Variants in PPFIA2 observed in about 807,000 individuals in gnomAD.
The protein encoded by PPFIA2 is PPFI scaffold protein A2, also known as liprin-alpha-2.
A neutral mutation model predicts 175.5 loss-of-function variants in PPFIA2; 46 were observed. The observed-to-expected ratio is 0.26, with a 90% CI of 0.21 to 0.34. The LOEUF (loss-of-function observed/expected upper bound fraction) is 0.34, where lower values mean the gene tolerates loss of function less well. PPFIA2 is among the 10% of genes least tolerant of loss of function. PPFIA2 has a pLI of 1.00. For synonymous variants in PPFIA2, 568 were observed against 511.4 expected (o/e 1.11, Z -1.49); for missense variants, 1,179 against 1,506.1 (o/e 0.78, Z 3.60).
At chr12:81,422,165 TA>T (rs1202699442) in intron 7 of PPFIA2, among the ~76,000 whole-genome samples, 1 of 147,398 alleles carries the variant, frequency 6.8e-6, no homozygotes, top group East Asian at 2.0e-4. Context: ...TATATATATA[TA>T]TATATATGTC....
chr12:81,659,130 A>G (rs1433885918), intron 4 of PPFIA2, among the ~76,000 whole-genome samples: 2 of 152,182 alleles, frequency 1.3e-5, no homozygotes, highest in Non-Finnish European at 2.9e-5. Flanking sequence ...TACAGCTCCC[A>G]GCATGAGCAA....
rs201989162 is a variant in PPFIA2 at position 81,506,259 on chromosome 12, CT to C, written c.304-48394del. The C allele has an allele frequency of 9.1e-4, 138 of 152,238 alleles. 1 individual carries two copies. The highest frequency in any genetic ancestry group is 3.3e-3 in the African/African-American group (137 of 41,542). The allele number at this position is 152,238 out of a possible 1,614,324, so 9.4% of individuals were successfully genotyped here. On this transcript the variant is annotated intron_variant, in intron 4 of 32. Coordinates refer to ENST00000549396, the MANE Select transcript of PPFIA2 (RefSeq NM_003625.5). Reference sequence around the variant, plus strand: ...TGCCTATCATTCCATTAGAATACTTCTTTTCTTTCTTGTCTGCCTGAAAATT... The same window carrying C: ...TGCCTATCATTCCATTAGAATACTTCTTTCTTTCTTGTCTGCCTGAAAATT...
intron 21 of PPFIA2, among the ~76,000 whole-genome samples, chr12:81,330,115 T>C (rs1340617360): frequency 6.6e-6 from 1 of 152,128 alleles, no homozygotes; most frequent in Non-Finnish European, 1.5e-5. Flanking sequence ...GGAGTCACTA[T>C]TGTTAAGAAA....
chr12:81,647,509 C>T (rs1056593361), intron 4 of PPFIA2, among the ~76,000 whole-genome samples: 7 of 151,834 alleles, frequency 4.6e-5, no homozygotes, highest in African/African-American at 1.7e-4. Flanking sequence ...CGCCTGTAAT[C>T]CCAGCACTTT....
At chr12:81,695,083 T>C (rs999312039) in intron 3 of PPFIA2, among the ~76,000 whole-genome samples, 2 of 152,278 alleles carry the variant, frequency 1.3e-5, no homozygotes, top group African/African-American at 4.8e-5. Context: ...TTCAGGCTCA[T>C]AGGTGGAAGG....
intron 4 of PPFIA2, among the ~76,000 whole-genome samples, chr12:81,651,142 C>G (rs2066960086): frequency 6.6e-6 from 1 of 152,106 alleles, no homozygotes; most frequent in African/African-American, 2.4e-5. Flanking sequence ...TAGACCCCAA[C>G]TGGGAGGATA....
chr12:81,520,444 A>G (rs1397314273), intron 4 of PPFIA2, among the ~76,000 whole-genome samples: 5 of 152,212 alleles, frequency 3.3e-5, no homozygotes, highest in Admixed American at 3.3e-4. Context: ...AACCGAAACC[A>G]CAATACTGAA....
At chr12:81,743,623 T>G (rs2082652125) in intron 3 of PPFIA2, among the ~76,000 whole-genome samples, 1 of 151,832 alleles carries the variant, frequency 6.6e-6, no homozygotes, top group Non-Finnish European at 1.5e-5. Flanking sequence ...GCAAACGTTT[T>G]GTCCAGGAAT....
rs559814215 is a variant in PPFIA2 at position 81,673,558 on chromosome 12, T to C, written c.303+3233A>G. Among the ~76,000 whole-genome samples the C allele has an allele frequency of 3.9e-5, 6 of 152,180 alleles. No homozygotes were observed. In the East Asian group the frequency reaches 5.8e-4, roughly 15 times the overall value. The stretch of plus-strand genomic sequence containing the variant: ...TAGTTTCTTTTCCTTTGTACTTCTA[T>C]GTAAATATAAATTCTATGCTCTTAT... On this transcript the variant is annotated intron_variant, in intron 4 of 32. Coordinates refer to ENST00000549396, the MANE Select transcript of PPFIA2 (RefSeq NM_003625.5).
At chr12:81,386,008 GCT>G (rs1292988238) in intron 8 of PPFIA2, among the ~76,000 whole-genome samples, 1 of 151,870 alleles carries the variant, frequency 6.6e-6, no homozygotes, top group Non-Finnish European at 1.5e-5. Context: ...TGGTGTTGTG[GCT>G]CACTCTTTTA....
intron 3 of PPFIA2, among the ~76,000 whole-genome samples, chr12:81,712,864 G>A (rs996852632): frequency 9.3e-5 from 14 of 150,062 alleles, no homozygotes; most frequent in African/African-American, 3.2e-4. Context: ...CTCTTTAAAT[G>A]TTCTGATATT....
intron 4 of PPFIA2, among the ~76,000 whole-genome samples, chr12:81,644,882 TA>T (rs1230503071): frequency 1.3e-5 from 2 of 152,142 alleles, no homozygotes; most frequent in African/African-American, 4.8e-5. Context: ...TTTTAAATGC[TA>T]AAAGTATAAA....
At chr12:81,509,773 G>A (rs546572442) in intron 4 of PPFIA2, among the ~76,000 whole-genome samples, 1 of 152,046 alleles carries the variant, frequency 6.6e-6, no homozygotes, top group Non-Finnish European at 1.5e-5. Context: ...AACAAGAAAG[G>A]AACTTGGACG....
chr12:81,548,893 T>C (rs2067423089), intron 4 of PPFIA2, among the ~76,000 whole-genome samples: 1 of 152,158 alleles, frequency 6.6e-6, no homozygotes, highest in Non-Finnish European at 1.5e-5. Flanking sequence ...GACATCATGA[T>C]TTTAAACAAA....
intron 24 of PPFIA2, among the ~76,000 whole-genome samples, chr12:81,285,133 T>G (rs1294367335): frequency 6.6e-6 from 1 of 152,158 alleles, no homozygotes; most frequent in African/African-American, 2.4e-5. Context: ...TCTATACACT[T>G]AATAACGTAC....
At chr12:81,385,324 C>A (rs1167609437) in intron 8 of PPFIA2, among the ~76,000 whole-genome samples, 1 of 152,072 alleles carries the variant, frequency 6.6e-6, no homozygotes, top group Non-Finnish European at 1.5e-5. Flanking sequence ...TCAAAATTAT[C>A]ATATGATCCA....
intron 3 of PPFIA2, among the ~76,000 whole-genome samples, chr12:81,681,456 G>A (rs912449208): frequency 6.6e-6 from 1 of 151,984 alleles, no homozygotes; most frequent in Non-Finnish European, 1.5e-5. Context: ...GCTCCAGGAA[G>A]AGTGAGGTGA....
chr12:81,670,848 G>A (rs2071266115), intron 4 of PPFIA2, among the ~76,000 whole-genome samples: 1 of 151,712 alleles, frequency 6.6e-6, no homozygotes, highest in Non-Finnish European at 1.5e-5. Flanking sequence ...CACATTTCTG[G>A]TATCCCATCC....
intron 4 of PPFIA2, among the ~76,000 whole-genome samples, chr12:81,636,228 A>G (rs545817843): frequency 2.6e-5 from 4 of 151,494 alleles, no homozygotes; most frequent in African/African-American, 9.7e-5. Context: ...ATAGTCCTCA[A>G]ACGTAAATCT....
Sources: allele counts gnomAD v4.1 joint callset (sites outside exome capture counted in the v4.1 genomes callset), GRCh38; gene constraint gnomAD v4.1.1; transcripts MANE v1.5; gene names NCBI Gene and HGNC (gene_info 2026-07-23, HGNC 2026-07-21).